NELL2: variants seen among roughly 807,000 people sequenced by gnomAD.
NELL2 encodes neural EGFL like 2.
In NELL2, 41 loss-of-function variants were observed where a neutral mutation model predicts 109.6. The observed-to-expected ratio is 0.37, with a 90% CI of 0.29 to 0.49. The LOEUF is 0.49. Among genes scored for constraint, NELL2 ranks in the 20% least tolerant of loss-of-function variants. The pLI, the probability that NELL2 is intolerant of heterozygous loss-of-function variation, is 0.98. For missense variants in NELL2, 900 were observed against 1,008.3 expected (o/e 0.89, Z 1.45); for synonymous variants, 355 against 344.7 (o/e 1.03, Z -0.33).
At chr12:44,914,359 T>C (rs989928751), upstream of NELL2, among the ~76,000 whole-genome samples, 8 of 152,182 alleles carry the variant, frequency 5.3e-5, no homozygotes, top group African/African-American at 1.2e-4. Context: ...CCTTTACAGT[T>C]GCTGTTCTTT....
intron 2 of NELL2, among the ~76,000 whole-genome samples, chr12:44,831,089 GT>G (rs1214334266): frequency 6.6e-6 from 1 of 151,934 alleles, no homozygotes; most frequent in African/African-American, 2.4e-5. Context: ...CCCTCTTGAA[GT>G]TTTTCCCACC....
At chr12:44,723,805 A>G (rs968099384) in intron 9 of NELL2, among the ~76,000 whole-genome samples, 22 of 152,160 alleles carry the variant, frequency 1.4e-4, no homozygotes, top group Admixed American at 2.0e-4. Flanking sequence ...AATGCAAACT[A>G]GTTTAGCCAC....
intron 9 of NELL2, among the ~76,000 whole-genome samples, chr12:44,753,741 C>A (rs574976543): frequency 6.6e-6 from 1 of 152,140 alleles, no homozygotes; most frequent in Non-Finnish European, 1.5e-5. Context: ...ACATAGAAAG[C>A]ATTCTGTAAA....
At chr12:44,736,376 G>C (rs1272805467) in intron 9 of NELL2, among the ~76,000 whole-genome samples, 1 of 151,982 alleles carries the variant, frequency 6.6e-6, no homozygotes, top group African/African-American at 2.4e-5. Context: ...AAATATTCTA[G>C]AGCCCTGCCA....
chr12:44,664,578 A>G (rs1947858220), intron 13 of NELL2, among the ~76,000 whole-genome samples: 1 of 152,102 alleles, frequency 6.6e-6, no homozygotes, highest in African/African-American at 2.4e-5. Context: ...AGGATTATGG[A>G]GTCTCTTTCC....
chr12:44,768,792 T>C (rs1266201320), intron 9 of NELL2, among the ~76,000 whole-genome samples: 1 of 152,176 alleles, frequency 6.6e-6, no homozygotes, highest in African/African-American at 2.4e-5. Flanking sequence ...TCATTTTATA[T>C]TGGCATTCTA....
At chr12:44,734,217 A>C (rs998550697) in intron 9 of NELL2, among the ~76,000 whole-genome samples, 7 of 151,952 alleles carry the variant, frequency 4.6e-5, no homozygotes, top group Non-Finnish European at 7.4e-5. Context: ...AGTAATTTTA[A>C]ATTTTATAAT....
intron 7 of NELL2, 93 bp downstream of exon 7, chr12:44,776,949 G>T: frequency 9.4e-7 from 1 of 1,062,520 alleles, no homozygotes; most frequent in Non-Finnish European, 1.5e-6. Flanking sequence ...TATAAGAAGA[G>T]CCTCGAAGGT....
At chr12:44,921,501 T>A (rs1945867824) in intron 1 of NELL2, among the ~76,000 whole-genome samples, 3 of 152,144 alleles carry the variant, frequency 2.0e-5, no homozygotes, top group African/African-American at 7.2e-5. Flanking sequence ...CCAGCTCACA[T>A]GTAATGTAAC....
chr12:44,842,693 C>T (rs564858566), intron 2 of NELL2, among the ~76,000 whole-genome samples: 13 of 152,248 alleles, frequency 8.5e-5, no homozygotes, highest in African/African-American at 2.9e-4. Flanking sequence ...TTCATGCCCA[C>T]TGGAACTTCA....
At chr12:44,819,597 A>G (rs1291373711) in intron 2 of NELL2, among the ~76,000 whole-genome samples, 1 of 152,034 alleles carries the variant, frequency 6.6e-6, no homozygotes. Flanking sequence ...ACCATCCTCC[A>G]CCCCACCAGG....
chr12:44,600,974 A>T (rs553509114), intron 15 of NELL2, among the ~76,000 whole-genome samples: 1 of 152,306 alleles, frequency 6.6e-6, no homozygotes, highest in African/African-American at 2.4e-5. Context: ...ATAAAAAAAT[A>T]AGAGGGAATA....
chr12:44,522,035 T>A lies in NELL2; in HGVS notation c.2140A>T (p.Thr714Ser), dbSNP rs745994931. Residue 714 changes from threonine to serine, a missense_variant, in exon 18 of 20, where the codon ACC becomes TCC. This residue lies in a region of NELL2 where 333 missense variants were observed against 432.3 expected (regional missense o/e 0.77). Transcript: ENST00000429094. ...CACTGTTGACAATTCTGGACCCAGG[T>A]GTCACCACTGTTATACAAAGTTTCC... ...NGETLYNSGDTWVQNCQQCRC... is the reference protein window; with the variant it reads ...NGETLYNSGDSWVQNCQQCRC... The A allele has an allele frequency of 2.1e-5, 34 of 1,614,078 alleles. No homozygotes were observed. Among genetic ancestry groups the A allele is most frequent in the Non-Finnish European group, 2.9e-5 (34 of 1,180,018 alleles).
intron 13 of NELL2, among the ~76,000 whole-genome samples, chr12:44,616,206 C>T (rs1945819406): frequency 6.6e-6 from 1 of 152,146 alleles, no homozygotes; most frequent in African/African-American, 2.4e-5. Flanking sequence ...TCATAGTCAG[C>T]CCACTACCCT....
intron 13 of NELL2, among the ~76,000 whole-genome samples, chr12:44,631,506 G>T (rs1440225387): frequency 6.6e-6 from 1 of 151,816 alleles, no homozygotes; most frequent in East Asian, 1.9e-4. Context: ...ACATAAAGAC[G>T]GCAACAGCGG....
intron 9 of NELL2, among the ~76,000 whole-genome samples, chr12:44,756,526 C>T (rs542512178): frequency 6.6e-6 from 1 of 152,182 alleles, no homozygotes; most frequent in South Asian, 2.1e-4. Context: ...CTCCCCACAG[C>T]CACTCTAATC....
chr12:44,775,508 CTTCA>C (rs1199438137), intron 8 of NELL2, among the ~76,000 whole-genome samples: 1 of 152,162 alleles, frequency 6.6e-6, no homozygotes, highest in Non-Finnish European at 1.5e-5. Context: ...AAATATTCTA[CTTCA>C]TTAGCGAGCA....
chr12:44,700,101 CA>C (rs1368301805), intron 12 of NELL2, among the ~76,000 whole-genome samples: 1 of 152,156 alleles, frequency 6.6e-6, no homozygotes, highest in Non-Finnish European at 1.5e-5. Context: ...AAGTGAGCAG[CA>C]CCAACATCTG....
intron 9 of NELL2, 172 bp downstream of exon 9, chr12:44,774,575 T>C (rs1941674821): frequency 1.6e-6 from 1 of 607,712 alleles, no homozygotes; most frequent in African/African-American, 1.9e-5. Flanking sequence ...GGGCATAGCA[T>C]TTTAAAATGG....
Sources: gnomAD v4.1 joint callset for allele counts (sites outside exome capture counted in the v4.1 genomes callset) on GRCh38, gnomAD v4.1.1 for gene constraint, gnomAD v4.1.1 regional missense constraint, MANE v1.5 for transcripts, NCBI Gene and HGNC (gene_info 2026-07-23, HGNC 2026-07-21) for gene names.